The following EGFR variants were observed in gnomAD, a reference collection of about 807,000 sequenced individuals.
The protein encoded by EGFR is epidermal growth factor receptor, also known as avian erythroblastic leukemia viral (v-erb-b) oncogene homolog.
EGFR carries 58 observed loss-of-function variants against 143.0 expected under a neutral mutation model. The observed-to-expected ratio is 0.41, with a 90% CI of 0.33 to 0.50. The LOEUF is 0.50. EGFR is among the 20% of genes least tolerant of loss of function. The probability of loss-of-function intolerance (pLI) is 0.39; values close to 1 mark genes in which losing one functional copy is unlikely to be tolerated. For synonymous variants in EGFR, 613 were observed against 594.4 expected, an observed-to-expected ratio of 1.03 and a Z score of -0.45; for missense variants, 1,307 against 1,579.0, an observed-to-expected ratio of 0.83 and a Z score of 2.92.
intron 11 of EGFR, among the ~76,000 whole-genome samples, chr7:55,157,988 A>G (rs2128940020): frequency 1.3e-5 from 2 of 152,090 alleles, no homozygotes; most frequent in Admixed American, 1.3e-4. Flanking sequence ...TTCTGTGTCC[A>G]CTCCAGATCC....
intron 1 of EGFR, among the ~76,000 whole-genome samples, chr7:55,023,335 C>G (rs1385069050): frequency 6.6e-6 from 1 of 152,124 alleles, no homozygotes; most frequent in Non-Finnish European, 1.5e-5. Context: ...CATGTTGCTT[C>G]CCTGTAAATA....
At position 55,181,031 on chromosome 7, in the gene EGFR, A is replaced by G. The variant is rs923612862; in HGVS notation, c.2284-262A>G. The G allele has an allele frequency of 5.2e-6, 3 of 577,634 alleles. No individual in the cohort carries two copies. In the African/African-American group the frequency reaches 5.6e-5, roughly 11 times the overall value. 35.8% of individuals were successfully genotyped at this position (577,634 alleles called of 1,614,324 possible). Reference sequence around the variant, plus strand: ...TCCTCCTTTATCCAATGTGCTCCTCATGGCCACTGTTGCCTGGGCCTCTCT... The same window carrying G: ...TCCTCCTTTATCCAATGTGCTCCTCGTGGCCACTGTTGCCTGGGCCTCTCT... On this transcript the variant is annotated intron_variant, in intron 19 of 27. Transcript: ENST00000275493.
rs1224842642 is a variant in EGFR at position 55,143,412 on chromosome 7, C to T, written c.348C>T (p.Ser116=). ...IIRGNMYYEN[S]YALAVLSNYD... ...GAGGAAATATGTACTACGAAAATTCCTATGCCTTAGCAGTCTTATCTAACT... is the reference window on the plus strand; with the variant it reads ...GAGGAAATATGTACTACGAAAATTCTTATGCCTTAGCAGTCTTATCTAACT... The change falls in exon 3 of 28, where the codon TCC becomes TCT. Residue 116 remains serine, a synonymous_variant. Coordinates refer to ENST00000275493, the MANE Select transcript of EGFR (RefSeq NM_005228.5). The T allele has an allele frequency of 1.9e-6, 3 of 1,614,080 alleles. No homozygotes were observed. Among genetic ancestry groups the T allele is most frequent in the Non-Finnish European group, 8.5e-7 (1 of 1,180,054 alleles).
intron 1 of EGFR, among the ~76,000 whole-genome samples, chr7:55,055,012 C>T (rs899658145): frequency 2.6e-5 from 4 of 152,222 alleles, no homozygotes; most frequent in African/African-American, 9.6e-5. Flanking sequence ...ACAGCGGCAC[C>T]TGAGTCACAC....
At chr7:55,173,481 A>T (rs1786452670) in intron 17 of EGFR, among the ~76,000 whole-genome samples, 1 of 152,184 alleles carries the variant, frequency 6.6e-6, no homozygotes, top group Non-Finnish European at 1.5e-5. Flanking sequence ...CATTGTCCAC[A>T]CAGTGGCTTT....
At chr7:55,073,604 C>T (rs1456207797) in intron 1 of EGFR, among the ~76,000 whole-genome samples, 1 of 152,190 alleles carries the variant, frequency 6.6e-6, no homozygotes, top group Non-Finnish European at 1.5e-5. Context: ...TTGGAATTTA[C>T]TATCAAATCT....
At chr7:55,053,352 T>A (rs1349054114) in intron 1 of EGFR, among the ~76,000 whole-genome samples, 1 of 152,190 alleles carries the variant, frequency 6.6e-6, no homozygotes, top group East Asian at 1.9e-4. Flanking sequence ...CCACTGACAC[T>A]GTCTGCATAA....
chr7:55,072,802 A>G (rs1292406912), intron 1 of EGFR, among the ~76,000 whole-genome samples: 1 of 152,204 alleles, frequency 6.6e-6, no homozygotes, highest in Admixed American at 6.5e-5. Context: ...GTGCAGATGG[A>G]AAGATGTCTG....
intron 1 of EGFR, among the ~76,000 whole-genome samples, chr7:55,020,392 G>T (rs185448522): frequency 6.6e-6 from 1 of 152,336 alleles, no homozygotes. Context: ...GGGATCGCGG[G>T]ACTCTTGAGC....
At chr7:55,179,231 C>T (rs1311905952) in intron 19 of EGFR, among the ~76,000 whole-genome samples, 2 of 152,248 alleles carry the variant, frequency 1.3e-5, no homozygotes, top group African/African-American at 4.8e-5. Flanking sequence ...TGCCTCAAAG[C>T]AGTGGCTCTT....
intron 1 of EGFR, among the ~76,000 whole-genome samples, chr7:55,098,217 G>T (rs1018918153): frequency 6.6e-6 from 1 of 152,168 alleles, no homozygotes; most frequent in African/African-American, 2.4e-5. Context: ...GAAACTGAAA[G>T]CTCACTGATT....
chr7:55,059,908 G>A (rs769334821), intron 1 of EGFR, among the ~76,000 whole-genome samples: 4 of 151,928 alleles, frequency 2.6e-5, no homozygotes, highest in Non-Finnish European at 4.4e-5. Flanking sequence ...CCCAGATAAG[G>A]GCTGGGTGGA....
chr7:55,094,908 T>C (rs761498136), intron 1 of EGFR, among the ~76,000 whole-genome samples: 12 of 152,230 alleles, frequency 7.9e-5, no homozygotes, highest in Non-Finnish European at 1.8e-4. Context: ...ATTTTGGACC[T>C]TGGCAGTTAG....
In EGFR at chr7:55,201,224, T is replaced by A. The variant is rs2128971542; in HGVS notation, c.2983T>A (p.Ser995Thr). The stretch of plus-strand genomic sequence containing the variant: ...AATGCATTTGCCAAGTCCTACAGAC[T>A]CCAACTTCTACCGTGCCCTGATGGA... ...ERMHLPSPTD[S>T]NFYRALMDEE... is the part of the protein sequence containing the mutation. The change falls in exon 25 of 28, where the codon TCC becomes ACC. Residue 995 changes from serine (S) to threonine (T), a missense_variant. Ser to Thr is a moderately conservative substitution (Grantham distance 58). Coordinates refer to ENST00000275493, the MANE Select transcript of EGFR (RefSeq NM_005228.5). The A allele has an allele frequency of 6.2e-7, 1 of 1,614,150 alleles. No homozygotes were observed.
chr7:55,161,358 C>G, intron 12 of EGFR, 141 bp from the exon 13 acceptor site: 1 of 1,207,346 alleles, frequency 8.3e-7, no homozygotes, highest in Non-Finnish European at 1.1e-6. Flanking sequence ...AGTCTGTGTC[C>G]TCCTCCTTCA....
intron 1 of EGFR, among the ~76,000 whole-genome samples, chr7:55,136,507 A>T (rs1445878805): frequency 1.3e-5 from 2 of 152,176 alleles, no homozygotes; most frequent in Non-Finnish European, 2.9e-5. Context: ...ATATAAATCC[A>T]ACATGTGTGT....
At position 55,122,208 on chromosome 7, in the gene EGFR, C is replaced by T. The variant is rs57494121; in HGVS notation, c.89-20078C>T. Among the ~76,000 whole-genome samples, 1,252 of 152,322 alleles carry T rather than the reference C, an allele frequency of 8.2e-3. 20 individuals carry two copies. The highest frequency in any genetic ancestry group is 0.028 in the African/African-American group (1,165 of 41,576). ...TGTCTTCCCAGCACTCTCAGCCTTG[C>T]TCATGGAGCACTCTAGTCCTCCGTC... On this transcript the variant is annotated intron_variant, in intron 1 of 27. Coordinates refer to ENST00000275493, the MANE Select transcript of EGFR (RefSeq NM_005228.5).
intron 1 of EGFR, among the ~76,000 whole-genome samples, chr7:55,028,773 A>C (rs995345631): frequency 3.3e-5 from 5 of 152,182 alleles, no homozygotes; most frequent in African/African-American, 1.2e-4. Flanking sequence ...TTAGAAAGTT[A>C]AGCAATTATC....
chr7:55,078,613 G>T lies in EGFR; in HGVS notation c.88+59248G>T, dbSNP rs925184709. 4.7e-4 allele frequency among the ~76,000 whole-genome samples: 71 copies of T among 152,332 alleles called. 1 individual carries two copies. Among genetic ancestry groups the T allele is most frequent in the African/African-American group, 1.5e-3 (61 of 41,590 alleles). On this transcript the variant is annotated intron_variant, in intron 1 of 27. Coordinates refer to ENST00000275493, the MANE Select transcript of EGFR (RefSeq NM_005228.5). ...CACTTGTCAGGGTGGGGGCCACACG[G>T]GCACCACCACTGATCATCTGTGGGA...
Sources: gnomAD v4.1 joint callset for allele counts (sites outside exome capture counted in the v4.1 genomes callset) on GRCh38, gnomAD v4.1.1 for gene constraint, MANE v1.5 for transcripts, NCBI Gene and HGNC (gene_info 2026-07-23, HGNC 2026-07-21) for gene names.